The following PLEKHH2 variants were observed in gnomAD, a reference collection of about 807,000 sequenced individuals.
PLEKHH2 encodes the protein pleckstrin homology, MyTH4 and FERM domain containing H2.
Under a neutral mutation model 187.9 loss-of-function variants are expected in PLEKHH2, and 129 were observed. The ratio of observed to expected loss-of-function variants is 0.69; its 90% CI spans 0.59 to 0.79. The LOEUF (loss-of-function observed/expected upper bound fraction) is 0.79. Ranked by LOEUF, PLEKHH2 falls within the 30% of genes least tolerant of loss-of-function variation. The probability of loss-of-function intolerance (pLI) is 0.00; values close to 1 mark genes in which losing one functional copy is unlikely to be tolerated. For missense variants in PLEKHH2, 2,076 were observed against 1,751.2 expected (o/e 1.19, Z -3.31); for synonymous variants, 686 against 605.6 (o/e 1.13, Z -1.95).
rs1669312079 is a variant in PLEKHH2, at chr2:43,700,547, C to T, written c.1589C>T (p.Ser530Leu). ...TCAGATGACCAGGAACACTGTGACT[C>T]AGCAAAGAAGGTGGCATACAGCAAA... The part of the protein sequence containing the change: ...PNSDDQEHCD[S>L]AKKVAYSKPP... Residue 530 changes from serine to leucine, a missense_variant, in exon 8 of 30, where the codon TCA becomes TTA. Coordinates refer to ENST00000282406, the MANE Select transcript of PLEKHH2 (RefSeq NM_172069.4). 6.2e-7 allele frequency: 1 copy of T among 1,613,622 alleles called. No homozygotes were observed. Among genetic ancestry groups the T allele is most frequent in the Non-Finnish European group, 8.5e-7 (1 of 1,179,888 alleles).
intron 24 of PLEKHH2, among the ~76,000 whole-genome samples, chr2:43,749,635 G>A (rs1039702051): frequency 6.6e-6 from 1 of 152,160 alleles, no homozygotes; most frequent in African/African-American, 2.4e-5. Flanking sequence ...CAACTGAAAG[G>A]CTTGATTTTT....
At chr2:43,712,417 C>A in intron 15 of PLEKHH2, 34 bp downstream of exon 15, 2 of 1,594,778 alleles carry the variant, frequency 1.3e-6, no homozygotes, top group Non-Finnish European at 8.6e-7. Context: ...ATGTCCCAGG[C>A]AGCTATGGGC....
intron 15 of PLEKHH2, among the ~76,000 whole-genome samples, chr2:43,719,824 A>T (rs1168378955): frequency 1.3e-5 from 2 of 152,188 alleles, no homozygotes; most frequent in Admixed American, 6.6e-5. Context: ...ACTATGAAAT[A>T]TACTGGTGAA....
intron 11 of PLEKHH2, 141 bp downstream of exon 11, chr2:43,707,686 GAT>G (rs1669729751): frequency 1.1e-6 from 1 of 877,366 alleles, no homozygotes; most frequent in Non-Finnish European, 1.7e-6. Flanking sequence ...GCCTATGACT[GAT>G]ATGTTTATAT....
chr2:43,648,359 T>C (rs1409925110), intron 2 of PLEKHH2, among the ~76,000 whole-genome samples: 1 of 152,044 alleles, frequency 6.6e-6, no homozygotes, highest in Non-Finnish European at 1.5e-5. Context: ...TGGCTAATTT[T>C]TGTGTTTTTA....
At chr2:43,751,666 A>G (rs1028791497) in intron 24 of PLEKHH2, among the ~76,000 whole-genome samples, 4 of 152,186 alleles carry the variant, frequency 2.6e-5, no homozygotes, top group African/African-American at 9.7e-5. Context: ...GCCTGCTGTC[A>G]TGGAAGCCCA....
intron 2 of PLEKHH2, among the ~76,000 whole-genome samples, chr2:43,669,615 T>C (rs958811217): frequency 2.0e-5 from 3 of 152,126 alleles, no homozygotes; most frequent in Admixed American, 6.5e-5. Context: ...TAGAAAAATA[T>C]ATTTTATAAA....
At chr2:43,677,770 G>C (rs1184576180) in intron 2 of PLEKHH2, among the ~76,000 whole-genome samples, 1 of 151,282 alleles carries the variant, frequency 6.6e-6, no homozygotes, top group Non-Finnish European at 1.5e-5. Context: ...TCCCAGTAGG[G>C]GTGGCTGGGC....
chr2:43,659,683 C>A (rs1230644285), intron 2 of PLEKHH2, among the ~76,000 whole-genome samples: 1 of 151,846 alleles, frequency 6.6e-6, no homozygotes, highest in Non-Finnish European at 1.5e-5. Context: ...TTTAGCCTCC[C>A]AAGTAGCTGG....
intron 24 of PLEKHH2, among the ~76,000 whole-genome samples, chr2:43,748,351 C>T (rs995446951): frequency 2.0e-5 from 3 of 152,182 alleles, no homozygotes; most frequent in Non-Finnish European, 4.4e-5. Context: ...GACCTGTTTC[C>T]CTTGAGGGCA....
intron 17 of PLEKHH2, among the ~76,000 whole-genome samples, chr2:43,727,080 G>A (rs1028424496): frequency 1.3e-5 from 2 of 150,508 alleles, no homozygotes; most frequent in Admixed American, 1.3e-4. Context: ...TTTTAAAAAG[G>A]CCTTTATCTG....
chr2:43,726,951 CATT>C (rs1670779439), intron 17 of PLEKHH2, among the ~76,000 whole-genome samples: 1 of 150,048 alleles, frequency 6.7e-6, no homozygotes. Context: ...ACTTAGGAAA[CATT>C]AGTTTTTCAT....
chr2:43,749,392 C>G (rs555245344), intron 24 of PLEKHH2, among the ~76,000 whole-genome samples: 32 of 152,282 alleles, frequency 2.1e-4, no homozygotes, highest in African/African-American at 7.5e-4. Context: ...TGATTGAAGT[C>G]TCAGCCTCCG....
chr2:43,736,350 A>G (rs1301602457), intron 19 of PLEKHH2, among the ~76,000 whole-genome samples: 2 of 152,192 alleles, frequency 1.3e-5, no homozygotes, highest in Non-Finnish European at 2.9e-5. Context: ...TGGTTTTCAG[A>G]TGTTGAATGT....
rs750280090 is a variant in PLEKHH2, at chr2:43,692,700, C to T, written c.336+37C>T. 4.6e-5 allele frequency: 72 copies of T among 1,582,112 alleles called. 1 individual carries two copies. In the South Asian group the frequency reaches 8.0e-4, roughly 17 times the overall value. ...TTTGATAAAGAGTTCTAAGTGTGTG[C>T]ACTCATTTGTGCATAATCACAAAGA... is the stretch of plus-strand genomic sequence containing the variant. On this transcript the variant is annotated intron_variant, in intron 4 of 29. Coordinates refer to ENST00000282406, the MANE Select transcript of PLEKHH2 (RefSeq NM_172069.4).
At chr2:43,710,613 C>G in intron 14 of PLEKHH2, 38 bp downstream of exon 14, 1 of 695,062 alleles carries the variant, frequency 1.4e-6, no homozygotes, top group Non-Finnish European at 2.1e-6. Context: ...TTTTTTGTAT[C>G]ATGCCAGACT....
In PLEKHH2 at chr2:43,726,298, G is replaced by T; in HGVS notation, c.2568G>T (p.Trp856Cys). 1 of 1,611,672 alleles carries T rather than the reference G, an allele frequency of 6.2e-7. No individual in the cohort carries two copies. The highest frequency in any genetic ancestry group is 8.5e-7 in the Non-Finnish European group (1 of 1,177,960). The change falls in exon 17 of 30, where the codon TGG becomes TGT. Residue 856 changes from tryptophan (W) to cysteine (C), a missense_variant. Physicochemically the swap from Trp to Cys is radical, Grantham distance 215. Coordinates refer to ENST00000282406, the MANE Select transcript of PLEKHH2 (RefSeq NM_172069.4). ...TTCCTTTAGGTCAGATCAAACTCTG[G>T]GAGGCTAAAGTGGAAGAGGTTGACA... ...DKFPLGQIKLWEAKVEEVDRS... is the reference protein window; with the variant it reads ...DKFPLGQIKLCEAKVEEVDRS...
At chr2:43,743,030 GC>G in intron 22 of PLEKHH2, 112 bp downstream of exon 22, 1 of 786,910 alleles carries the variant, frequency 1.3e-6, no homozygotes. Flanking sequence ...TGACAAACAT[GC>G]AAATATATTA....
chr2:43,766,132 G>A lies in PLEKHH2; in HGVS notation c.*534G>A, dbSNP rs1479386086. On this transcript the variant is annotated 3_prime_UTR_variant, in exon 30 of 30. Coordinates refer to ENST00000282406, the MANE Select transcript of PLEKHH2 (RefSeq NM_172069.4). ...GGAGTACATTTTCAGAGCAGGTGCA[G>A]TACATCTTCCGGCTCTATGAATCAT... 6.5e-6 allele frequency: 1 copy of A among 152,836 alleles called. No homozygotes were observed. The highest frequency in any genetic ancestry group is 1.9e-4 in the East Asian group (1 of 5,340). 9.5% of individuals were successfully genotyped at this position (152,836 alleles called of 1,614,324 possible).
Sources: gnomAD v4.1 joint callset for allele counts (sites outside exome capture counted in the v4.1 genomes callset) on GRCh38, gnomAD v4.1.1 for gene constraint, MANE v1.5 for transcripts, NCBI Gene and HGNC (gene_info 2026-07-23, HGNC 2026-07-21) for gene names.